The following UTP6 variants were observed in gnomAD, a reference collection of about 807,000 sequenced individuals.
UTP6 encodes UTP6 small subunit processome component.
UTP6 carries 60 observed loss-of-function variants against 96.5 expected under a neutral mutation model. The ratio of observed to expected loss-of-function variants is 0.62; its 90% CI spans 0.51 to 0.77. UTP6 has a LOEUF of 0.77. Ranked by LOEUF, UTP6 falls within the 30% of genes least tolerant of loss-of-function variation. The pLI is 0.00. For synonymous variants in UTP6, 215 were observed against 240.1 expected, an observed-to-expected ratio of 0.90 and a Z score of 0.96; for missense variants, 637 against 706.5, an observed-to-expected ratio of 0.90 and a Z score of 1.12.
chr17:31,895,549 T>G (rs1904582673), intron 2 of UTP6, among the ~76,000 whole-genome samples: 1 of 152,196 alleles, frequency 6.6e-6, no homozygotes. Context: ...GTTTTGTTTT[T>G]TTGAGACGGG....
At position 31,863,330 on chromosome 17, in the gene UTP6, T is replaced by C. The variant is rs369907287; in HGVS notation, c.*29A>G. ...CCCACGGGGCTTGCTTGCAATACTA[T>C]TTCACAAAGCTGACTGTATTCTTCA... is the stretch of plus-strand genomic sequence containing the variant. On this transcript the variant is annotated 3_prime_UTR_variant, in exon 19 of 19. Coordinates refer to ENST00000261708, the MANE Select transcript of UTP6 (RefSeq NM_018428.3). The C allele has an allele frequency of 4.3e-6, 7 of 1,609,946 alleles. No homozygotes were observed. Among genetic ancestry groups the C allele is most frequent in the Non-Finnish European group, 5.9e-6 (7 of 1,178,392 alleles).
In UTP6 at chr17:31,894,010, C is replaced by T. The variant is rs540169444; in HGVS notation, c.312+635G>A. Among the ~76,000 whole-genome samples, 212 of 150,806 alleles carry T rather than the reference C, an allele frequency of 1.4e-3. 1 individual carries two copies. Among genetic ancestry groups the T allele is most frequent in the Non-Finnish European group, 2.4e-3 (159 of 67,594 alleles). On this transcript the variant is annotated intron_variant, in intron 4 of 18. Coordinates refer to ENST00000261708, the MANE Select transcript of UTP6 (RefSeq NM_018428.3). The stretch of plus-strand genomic sequence containing the variant: ...TAATATACCCAATCCCAAACACTCC[C>T]GTAATCCCAGCACTTTGGGAGGCTG...
rs565097860 is a variant in UTP6 at position 31,864,776 on chromosome 17, C to A, written c.1636+590G>T. Among the ~76,000 whole-genome samples, 5 of 151,948 alleles carry A rather than the reference C, an allele frequency of 3.3e-5. No individual in the cohort carries two copies. In the South Asian group the frequency reaches 1.0e-3, roughly 32 times the overall value. ...TAGCTGGGACCACAAGCATGCACCACCATACCCAGTTACTTTTTTTTTTTT... is the reference window on the plus strand; with the variant it reads ...TAGCTGGGACCACAAGCATGCACCAACATACCCAGTTACTTTTTTTTTTTT... On this transcript the variant is annotated intron_variant, in intron 18 of 18. Coordinates refer to ENST00000261708, the MANE Select transcript of UTP6 (RefSeq NM_018428.3).
intron 17 of UTP6, among the ~76,000 whole-genome samples, 191 bp downstream of exon 17, chr17:31,867,855 G>A (rs1909915778): frequency 6.6e-6 from 1 of 151,918 alleles, no homozygotes; most frequent in South Asian, 2.1e-4. Flanking sequence ...ACTCCGGGGG[G>A]CTGAGGCAGG....
At chr17:31,892,943 C>T (rs1335475035) in intron 4 of UTP6, 149 bp from the exon 5 acceptor site, 9 of 871,334 alleles carry the variant, frequency 1.0e-5, no homozygotes, top group Non-Finnish European at 7.1e-6. Flanking sequence ...GAAGCCGAAG[C>T]GGGCGGATCA....
intron 13 of UTP6, among the ~76,000 whole-genome samples, chr17:31,877,518 C>T (rs973078170): frequency 4.6e-5 from 7 of 152,138 alleles, no homozygotes; most frequent in African/African-American, 1.2e-4. Context: ...CAGTGGCTCA[C>T]GCCTGAAAGA....
intron 2 of UTP6, among the ~76,000 whole-genome samples, chr17:31,898,260 G>A (rs1466874382): frequency 6.6e-6 from 1 of 152,100 alleles, no homozygotes; most frequent in Non-Finnish European, 1.5e-5. Context: ...ATGTTGGCCG[G>A]GCGTGGTGGC....
rs529849913 is a variant in UTP6, at chr17:31,900,037, G to A, written c.93-307C>T. Among the ~76,000 whole-genome samples, 21 of 151,848 alleles carry A rather than the reference G, an allele frequency of 1.4e-4. No individual in the cohort carries two copies. In the East Asian group the frequency reaches 3.7e-3, roughly 27 times the overall value. ...TGCGTGCCTGTAGTCCCAGCTACTC[G>A]GGAGACTGAGGCAGGAAAATTGCTT... On this transcript the variant is annotated intron_variant, in intron 1 of 18. Transcript: ENST00000261708.
intron 13 of UTP6, 82 bp downstream of exon 13, chr17:31,878,168 A>G: frequency 1.4e-6 from 2 of 1,399,588 alleles, no homozygotes; most frequent in Non-Finnish European, 2.0e-6. Context: ...AAGACTATAT[A>G]TATTTAAAAC....
intron 16 of UTP6, among the ~76,000 whole-genome samples, chr17:31,871,289 G>C (rs1910160202): frequency 6.6e-6 from 1 of 151,988 alleles, no homozygotes. Flanking sequence ...ACCGCACCCG[G>C]CCTTTTAACT....
chr17:31,863,325 T>C lies in UTP6; in HGVS notation c.*34A>G. 1.9e-6 allele frequency: 3 copies of C among 1,608,996 alleles called. No homozygotes were observed. The highest frequency in any genetic ancestry group is 1.7e-6 in the Non-Finnish European group (2 of 1,177,742). On this transcript the variant is annotated 3_prime_UTR_variant, in exon 19 of 19. Coordinates refer to ENST00000261708, the MANE Select transcript of UTP6 (RefSeq NM_018428.3). ...ATTTGCCCACGGGGCTTGCTTGCAA[T>C]ACTATTTCACAAAGCTGACTGTATT... is the stretch of plus-strand genomic sequence containing the variant.
chr17:31,863,894 T>C (rs1410317885), intron 18 of UTP6, among the ~76,000 whole-genome samples: 7 of 151,904 alleles, frequency 4.6e-5, no homozygotes, highest in Admixed American at 4.6e-4. Context: ...AGAAACAGGG[T>C]TTCACTATAT....
At chr17:31,878,492 G>A (rs1598103615) in intron 12 of UTP6, among the ~76,000 whole-genome samples, 165 bp from the exon 13 acceptor site, 2 of 152,142 alleles carry the variant, frequency 1.3e-5, no homozygotes, top group Admixed American at 6.6e-5. Context: ...CAGCTGCACC[G>A]AACAGAGCCC....
In UTP6 at chr17:31,885,864, A is replaced by G. The variant is rs530554993; in HGVS notation, c.703+116T>C. On this transcript the variant is annotated intron_variant, in intron 9 of 18. Coordinates refer to ENST00000261708, the MANE Select transcript of UTP6 (RefSeq NM_018428.3). ...TATTTTCTGAAAGAAACAGGACACT[A>G]TTCCTACAGAGTTTTATACACATTC... The G allele has an allele frequency of 3.9e-5, 32 of 812,506 alleles. No homozygotes were observed. The South Asian group carries it at 5.1e-4, about 13-fold the overall frequency. The allele number at this position is 812,506 out of a possible 1,614,324, so 50.3% of individuals were successfully genotyped here.
intron 10 of UTP6, among the ~76,000 whole-genome samples, chr17:31,881,948 G>C (rs1012691593): frequency 7.2e-5 from 11 of 152,108 alleles, no homozygotes; most frequent in African/African-American, 2.4e-4. Flanking sequence ...CCATCCCAAA[G>C]TGTTGGGATT....
chr17:31,876,239 G>A (rs1910496765), intron 13 of UTP6, among the ~76,000 whole-genome samples: 1 of 151,824 alleles, frequency 6.6e-6, no homozygotes, highest in Non-Finnish European at 1.5e-5. Context: ...GTTTCACCAT[G>A]TTGGCCAGGC....
chr17:31,863,591 TC>T, intron 18 of UTP6, 75 bp from the exon 19 acceptor site: 1 of 1,338,256 alleles, frequency 7.5e-7, no homozygotes, highest in Non-Finnish European at 1.0e-6. Flanking sequence ...TCAATTCAAC[TC>T]AAGATTTCTA....
intron 16 of UTP6, among the ~76,000 whole-genome samples, chr17:31,871,645 G>A (rs1292476143): frequency 6.6e-6 from 1 of 152,104 alleles, no homozygotes; most frequent in Non-Finnish European, 1.5e-5. Flanking sequence ...TGTAATCCCA[G>A]CATTTTGGGA....
In UTP6 at chr17:31,899,713, G is replaced by A; in HGVS notation, c.110C>T (p.Ala37Val). The stretch of plus-strand genomic sequence containing the variant: ...CTGGATTTTGTACTCTAGATCGGAA[G>A]CCTTCTTAATGATAGCCCTGAGGAG... ...HAEIKAIIKK[A>V]SDLEYKIQRR... is the part of the protein sequence containing the mutation. The change falls in exon 2 of 19, where the codon GCT (alanine) becomes GTT (valine). Residue 37 changes from alanine (A) to valine (V), a missense_variant. Ala to Val is a moderately conservative substitution (Grantham distance 64). Coordinates refer to ENST00000261708, the MANE Select transcript of UTP6 (RefSeq NM_018428.3). The A allele has an allele frequency of 6.3e-7, 1 of 1,598,510 alleles. No individual in the cohort carries two copies. The highest frequency in any genetic ancestry group is 8.5e-7 in the Non-Finnish European group (1 of 1,172,352).
Sources: gnomAD v4.1 joint callset for allele counts (sites outside exome capture counted in the v4.1 genomes callset) on GRCh38, gnomAD v4.1.1 for gene constraint, MANE v1.5 for transcripts, NCBI Gene and HGNC (gene_info 2026-07-23, HGNC 2026-07-21) for gene names.